DLGAP2: variants seen among roughly 807,000 people sequenced by gnomAD.
DLGAP2 encodes disks large-associated protein 2.
Under a neutral mutation model 100.3 loss-of-function variants are expected in DLGAP2, and 26 were observed. The ratio of observed to expected loss-of-function variants is 0.26; its 90% CI spans 0.19 to 0.36. DLGAP2 has a LOEUF of 0.36. DLGAP2 is among the 10% of genes least tolerant of loss of function. The pLI is 1.00. For missense variants in DLGAP2, 1,858 were observed against 1,453.2 expected (o/e 1.28, Z -4.53); for synonymous variants, 886 against 630.1 (o/e 1.41, Z -6.08).
rs568981256 is a variant in DLGAP2 at position 1,095,403 on chromosome 8, G to C, written c.74-163448G>C. 4.3e-4 allele frequency among the ~76,000 whole-genome samples: 65 copies of C among 152,252 alleles called. 1 individual carries two copies. In the South Asian group the frequency reaches 5.6e-3, roughly 13 times the overall value. ...CAGACCCCAAGCTCACCCTCGCCCGGGGTTCTTGTTGGGATCCTCCATCAG... is the reference window on the plus strand; with the variant it reads ...CAGACCCCAAGCTCACCCTCGCCCGCGGTTCTTGTTGGGATCCTCCATCAG... On this transcript the variant is annotated intron_variant, in intron 2 of 14. Transcript: ENST00000637795.
At chr8:1,065,420 A>G (rs555523743) in intron 2 of DLGAP2, among the ~76,000 whole-genome samples, 2 of 152,334 alleles carry the variant, frequency 1.3e-5, no homozygotes, top group South Asian at 4.1e-4. Flanking sequence ...TTAAAACAGC[A>G]CTGTATTCAG....
chr8:1,198,551 A>T (rs1797803041), intron 2 of DLGAP2, among the ~76,000 whole-genome samples: 1 of 152,002 alleles, frequency 6.6e-6, no homozygotes, highest in African/African-American at 2.4e-5. Flanking sequence ...GGCACTCATG[A>T]CTCAGGAGGG....
At position 1,512,985 on chromosome 8, in the gene DLGAP2, G is replaced by T. The variant is rs527759198; in HGVS notation, c.172+11554G>T. On this transcript the variant is annotated intron_variant, in intron 4 of 14. Transcript: ENST00000637795. ...GAGGCCACAGGCCAGGCCCTGGGAG[G>T]ATCAGTGGGATAAGCATCTGCCTTT... Among the ~76,000 whole-genome samples the T allele has an allele frequency of 3.3e-5, 5 of 152,364 alleles. No individual in the cohort carries two copies. The East Asian group carries it at 9.6e-4, about 29-fold the overall frequency.
rs1486417809 is a variant in DLGAP2 at position 954,348 on chromosome 8, C to T, written c.73+46382C>T. 2.6e-5 allele frequency among the ~76,000 whole-genome samples: 4 copies of T among 152,166 alleles called. No homozygotes were observed. In the East Asian group the frequency reaches 5.8e-4, roughly 22 times the overall value. ...TTTGTATTACCCTTTGACATTTCTC[C>T]ATCCCTCTCGCCTCCCTTCAGCCCC... On this transcript the variant is annotated intron_variant, in intron 2 of 14. Transcript: ENST00000637795.
chr8:1,557,600 G>C (rs1802010239), intron 5 of DLGAP2, among the ~76,000 whole-genome samples: 1 of 152,054 alleles, frequency 6.6e-6, no homozygotes. Flanking sequence ...GTCAGCTCGG[G>C]TGCCATGACG....
chr8:1,030,691 T>G, intron 2 of DLGAP2, among the ~76,000 whole-genome samples: 1 of 152,244 alleles, frequency 6.6e-6, no homozygotes, highest in East Asian at 1.9e-4. Context: ...TTTTGGTTGC[T>G]TTGCAGTTTT....
At chr8:795,786 C>T (rs77261274) in intron 1 of DLGAP2, among the ~76,000 whole-genome samples, 27,486 of 42,764 alleles carry the variant, frequency 0.64, 11,987 homozygotes, top group East Asian at 0.82. Context: ...TGAGAGCAGG[C>T]GTCCGGTGAG....
chr8:1,445,365 T>A (rs954772563), intron 3 of DLGAP2, among the ~76,000 whole-genome samples: 6 of 151,558 alleles, frequency 4.0e-5, no homozygotes, highest in African/African-American at 1.5e-4. Flanking sequence ...TTGCAATAAT[T>A]TGCTGAGAAT....
At chr8:756,712 G>C (rs2132582107) in intron 1 of DLGAP2, among the ~76,000 whole-genome samples, 1 of 152,066 alleles carries the variant, frequency 6.6e-6, no homozygotes, top group African/African-American at 2.4e-5. Context: ...CCCTTCCCCT[G>C]AGCGCTGTCT....
chr8:1,337,195 GAT>G (rs1180763313), intron 3 of DLGAP2, among the ~76,000 whole-genome samples: 12 of 67,944 alleles, frequency 1.8e-4, no homozygotes, highest in Non-Finnish European at 2.8e-4. Flanking sequence ...TGGTGAGAAT[GAT>G]GGTGATGATG....
At chr8:1,474,524 C>T (rs1798881900) in intron 3 of DLGAP2, among the ~76,000 whole-genome samples, 2 of 152,160 alleles carry the variant, frequency 1.3e-5, no homozygotes, top group Admixed American at 1.3e-4. Flanking sequence ...CTTTTTATCA[C>T]GTCCACGCCA....
chr8:1,366,452 T>C (rs923659253), intron 3 of DLGAP2, among the ~76,000 whole-genome samples: 1 of 152,150 alleles, frequency 6.6e-6, no homozygotes, highest in Non-Finnish European at 1.5e-5. Context: ...CAGACGTGGG[T>C]CCCCATCTGA....
chr8:1,254,839 C>G (rs988010751), intron 2 of DLGAP2, among the ~76,000 whole-genome samples: 4 of 121,346 alleles, frequency 3.3e-5, no homozygotes, highest in African/African-American at 1.3e-4. Flanking sequence ...CCTGACTTTT[C>G]CTCCGTGGGC....
At chr8:1,177,540 C>T (rs182389148) in intron 2 of DLGAP2, among the ~76,000 whole-genome samples, 2 of 152,222 alleles carry the variant, frequency 1.3e-5, no homozygotes, top group East Asian at 1.9e-4. Flanking sequence ...TGTGTTGCTT[C>T]ATTTGTTTGT....
At chr8:1,675,303 G>A (rs898663795) in intron 10 of DLGAP2, among the ~76,000 whole-genome samples, 6 of 152,208 alleles carry the variant, frequency 3.9e-5, no homozygotes, top group Non-Finnish European at 7.3e-5. Context: ...CCCTAGCCCT[G>A]ACCCCAACCA....
chr8:946,935 T>C (rs1335475943), intron 2 of DLGAP2, among the ~76,000 whole-genome samples: 1 of 152,190 alleles, frequency 6.6e-6, no homozygotes, highest in Non-Finnish European at 1.5e-5. Context: ...CCTGTCCTGC[T>C]GCCGGGGTTG....
chr8:854,546 G>A (rs1797240531), intron 1 of DLGAP2, among the ~76,000 whole-genome samples: 1 of 152,080 alleles, frequency 6.6e-6, no homozygotes, highest in African/African-American at 2.4e-5. Flanking sequence ...ACTGACATGT[G>A]TGTTCATGTG....
At chr8:1,122,011 G>A (rs906948742) in intron 2 of DLGAP2, among the ~76,000 whole-genome samples, 1 of 152,134 alleles carries the variant, frequency 6.6e-6, no homozygotes, top group East Asian at 1.9e-4. Flanking sequence ...TTCATTTAAT[G>A]GGAGACAGAC....
At chr8:1,681,147 G>A (rs1056109058) in intron 12 of DLGAP2, among the ~76,000 whole-genome samples, 2 of 152,160 alleles carry the variant, frequency 1.3e-5, no homozygotes, top group Non-Finnish European at 2.9e-5. Flanking sequence ...TATCATTTGA[G>A]TTTATCCCAT....
Sources: allele counts gnomAD v4.1 joint callset (sites outside exome capture counted in the v4.1 genomes callset), GRCh38; gene constraint gnomAD v4.1.1; transcripts MANE v1.5; gene names NCBI Gene and HGNC (gene_info 2026-07-23, HGNC 2026-07-21).